The following MDGA1 variants were observed in gnomAD, a reference collection of about 807,000 sequenced individuals.
MDGA1 encodes the protein MAM domain containing glycosylphosphatidylinositol anchor 1, also known as MAM domain-containing glycosylphosphatidylinositol anchor protein 1.
MDGA1 carries 54 observed loss-of-function variants against 101.5 expected under a neutral mutation model. The ratio of observed to expected loss-of-function variants is 0.53; its 90% CI spans 0.43 to 0.67. The LOEUF (loss-of-function observed/expected upper bound fraction) is 0.67. Ranked by LOEUF, MDGA1 falls within the 30% of genes least tolerant of loss-of-function variation. MDGA1 has a pLI of 0.00. For missense variants in MDGA1, 1,083 were observed against 1,323.8 expected, an observed-to-expected ratio of 0.82 and a Z score of 2.82; for synonymous variants, 533 against 558.3, an observed-to-expected ratio of 0.95 and a Z score of 0.64.
intron 2 of MDGA1, among the ~76,000 whole-genome samples, chr6:37,659,768 G>A (rs959843398): frequency 1.3e-5 from 2 of 152,142 alleles, no homozygotes; most frequent in African/African-American, 4.8e-5. Flanking sequence ...GCCCGCATTT[G>A]ACTCTACCCT....
chr6:37,683,460 C>T (rs947402766), intron 1 of MDGA1, among the ~76,000 whole-genome samples: 1 of 152,238 alleles, frequency 6.6e-6, no homozygotes, highest in African/African-American at 2.4e-5. Context: ...CCTGCACCCC[C>T]TCTCCTAAAC....
Position 37,646,191 on chromosome 6 carries a change from C to A in MDGA1, c.2224+7G>T. 6.4e-7 allele frequency: 1 copy of A among 1,569,222 alleles called. No individual in the cohort carries two copies. The highest frequency in any genetic ancestry group is 1.8e-5 in the Admixed American group (1 of 56,364). ...CCATCCTTCCTACCGCCACCACTGT[C>A]ACCTACGCTCTGTGTAGTGGATGAT... On this transcript the variant is annotated splice_region_variant and intron_variant, in intron 11 of 16. Coordinates refer to ENST00000434837, the MANE Select transcript of MDGA1 (RefSeq NM_153487.4).
In MDGA1 at chr6:37,654,851, C is replaced by A. The variant is rs768884775; in HGVS notation, c.661G>T (p.Val221Leu). Residue 221 changes from valine (V) to leucine (L), a missense_variant, in exon 5 of 17, where the codon GTG (valine) becomes TTG (leucine). Physicochemically the swap from Val to Leu is conservative, Grantham distance 32. This residue lies in a region of MDGA1 where 310 missense variants were observed against 355.9 expected (regional missense o/e 0.87). Transcript: ENST00000434837. ...SYTCQVSVRN[V>L]CGIPDKAITF... ...ATGGCCTTGTCTGGGATGCCGCACA[C>A]GTTACGCACAGACACCTGGCAGGTG... The A allele has an allele frequency of 1.2e-6, 2 of 1,613,750 alleles. No homozygotes were observed. Among genetic ancestry groups the A allele is most frequent in the African/African-American group, 1.3e-5 (1 of 74,954 alleles).
chr6:37,683,743 C>G (rs1313168994), intron 1 of MDGA1, among the ~76,000 whole-genome samples: 2 of 152,240 alleles, frequency 1.3e-5, no homozygotes, highest in Admixed American at 1.3e-4. Context: ...ATGTAACTGA[C>G]TTGATAAGGC....
At chr6:37,687,400 T>TAAAAAA (rs549945070) in intron 1 of MDGA1, among the ~76,000 whole-genome samples, 3 of 128,922 alleles carry the variant, frequency 2.3e-5, no homozygotes, top group East Asian at 2.3e-4. Flanking sequence ...TACTAAAAAT[T>TAAAAAA]AAAAAAAAAA....
intron 1 of MDGA1, among the ~76,000 whole-genome samples, chr6:37,691,739 A>C: frequency 6.6e-6 from 1 of 152,266 alleles, no homozygotes; most frequent in East Asian, 1.9e-4. Flanking sequence ...TAAATACCAG[A>C]GAAGCCCCTT....
rs554658775 is a variant in MDGA1, at chr6:37,644,455, C to A, written c.2401+42G>T. ...GGGTGCCCTGGGCCTAGACACCCCC[C>A]TGAAGCAATCCTCCATTTCTGGCAG... On this transcript the variant is annotated intron_variant, in intron 13 of 16. Transcript: ENST00000434837. 12 of 1,500,376 alleles carry A rather than the reference C, an allele frequency of 8.0e-6. No individual in the cohort carries two copies. In the African/African-American group the frequency reaches 1.1e-4, roughly 14 times the overall value. 92.9% of individuals were successfully genotyped at this position (1,500,376 alleles called of 1,614,324 possible). A position where few individuals can be genotyped will look rare whatever the true frequency, so the allele number is the denominator to read the frequency against.
At position 37,650,162 on chromosome 6, in the gene MDGA1, T is replaced by C; in HGVS notation, c.1556A>G (p.Tyr519Cys). 2 of 1,611,692 alleles carry C rather than the reference T, an allele frequency of 1.2e-6. No homozygotes were observed. Among genetic ancestry groups the C allele is most frequent in the Non-Finnish European group, 1.7e-6 (2 of 1,178,234 alleles). The change falls in exon 8 of 17, where the codon TAT becomes TGT. Residue 519 changes from tyrosine to cysteine, a missense_variant. Transcript: ENST00000434837. ...ACGGGGGCGCACGTTGAAGCCATTATAGCGGGCCGTCTGGCAGCGGTAGGT... is the reference window on the plus strand; with the variant it reads ...ACGGGGGCGCACGTTGAAGCCATTACAGCGGGCCGTCTGGCAGCGGTAGGT... ...SGTYRCQTAR[Y>C]NGFNVRPREA...
At chr6:37,647,809 C>A (rs560079868) in intron 9 of MDGA1, among the ~76,000 whole-genome samples, 1 of 152,068 alleles carries the variant, frequency 6.6e-6, no homozygotes, top group East Asian at 1.9e-4. Context: ...ACAGGGGCCT[C>A]TGGCTGGCAG....
rs1424965433 is a variant in MDGA1, at chr6:37,696,764, G to A, written c.48C>T (p.Cys16=). ...TCTTACCGTAGACTCCTTGTCCCCG[G>A]CAGTGGAAGGGGATCAGCGCCAGAA... The part of the protein sequence containing the change: ...LLLLALIPFH[C]RGQGVYAPAQ... The change falls in exon 1 of 17, where the codon TGC becomes TGT. Residue 16 remains cysteine (C), a synonymous_variant. Transcript: ENST00000434837. This position sits in a 1 kb window ranked among gnomAD's most constrained non-coding sequence, Gnocchi z 5.6. 6.3e-7 allele frequency: 1 copy of A among 1,584,030 alleles called. No homozygotes were observed. The highest frequency in any genetic ancestry group is 1.8e-5 in the Admixed American group (1 of 56,252).
In MDGA1 at chr6:37,638,321, G is replaced by A. The variant is rs779539146; in HGVS notation, c.2668-8C>T. ...AACCCCCTCAAAAATAATCTGGGGT[G>A]GGGTCAGAAAGCAAGGAGCAAGGGT... On this transcript the variant is annotated splice_region_variant and splice_polypyrimidine_tract_variant and intron_variant, in intron 15 of 16. Coordinates refer to ENST00000434837, the MANE Select transcript of MDGA1 (RefSeq NM_153487.4). The surrounding 1 kb of genome is among the most constrained non-coding windows in gnomAD (Gnocchi z 4.8). 6.3e-7 allele frequency: 1 copy of A among 1,597,582 alleles called. No homozygotes were observed. The highest frequency in any genetic ancestry group is 1.1e-5 in the South Asian group (1 of 88,760).
In MDGA1 at chr6:37,696,754, C is replaced by T. The variant is rs752295215; in HGVS notation, c.58G>A (p.Gly20Arg). 1.3e-6 allele frequency: 2 copies of T among 1,582,782 alleles called. No individual in the cohort carries two copies. Among genetic ancestry groups the T allele is most frequent in the Non-Finnish European group, 1.7e-6 (2 of 1,163,744 alleles). The stretch of plus-strand genomic sequence containing the variant: ...GGACGCGGGCTCTTACCGTAGACTC[C>T]TTGTCCCCGGCAGTGGAAGGGGATC... ...ALIPFHCRGQ[G>R]VYAPAQAQIV... Residue 20 changes from glycine (G) to arginine (R), a missense_variant, in exon 1 of 17, where the codon GGA (glycine) becomes AGA (arginine). By Grantham distance (125) the Gly-to-Arg change is moderately radical (BLOSUM62 -2). Around this residue, in one of 3 missense-constraint regions of MDGA1, gnomAD observed 310 missense variants for 355.9 expected, o/e 0.87. Coordinates refer to ENST00000434837, the MANE Select transcript of MDGA1 (RefSeq NM_153487.4). The surrounding 1 kb of genome is among the most constrained non-coding windows in gnomAD (Gnocchi z 5.6).
chr6:37,685,865 C>T (rs9380699), intron 1 of MDGA1, among the ~76,000 whole-genome samples: 14,158 of 152,080 alleles, frequency 0.093, 1,017 homozygotes, highest in East Asian at 0.37. Flanking sequence ...CCCCACCCCA[C>T]CTGAGCTAGG....
At chr6:37,683,808 A>G (rs576458215) in intron 1 of MDGA1, among the ~76,000 whole-genome samples, 1 of 152,300 alleles carries the variant, frequency 6.6e-6, no homozygotes, top group Non-Finnish European at 1.5e-5. Flanking sequence ...CCTCTACCAG[A>G]GTTTCCTGGA....
chr6:37,646,090 G>A (rs759813874), intron 11 of MDGA1, 108 bp downstream of exon 11: 19 of 1,557,902 alleles, frequency 1.2e-5, no homozygotes, highest in Non-Finnish European at 1.6e-5. Context: ...CAGTGACAAG[G>A]TAGTACACGG....
At chr6:37,654,208 G>A in intron 6 of MDGA1, 66 bp downstream of exon 6, 2 of 1,466,606 alleles carry the variant, frequency 1.4e-6, no homozygotes, top group Non-Finnish European at 9.0e-7. Flanking sequence ...TTCATTGGTA[G>A]CTCCCAAAGA....
In MDGA1 at chr6:37,648,698, T is replaced by G. The variant is rs1761278300; in HGVS notation, c.1894+284A>C. 5 of 538,194 alleles carry G rather than the reference T, an allele frequency of 9.3e-6. No individual in the cohort carries two copies. In the Admixed American group the frequency reaches 1.8e-4, roughly 20 times the overall value. The allele number at this position is 538,194 out of a possible 1,614,324, so 33.3% of individuals were successfully genotyped here. Reference sequence around the variant, plus strand: ...GGACTGGTATAGGCATAGGCGGGCCTTGGAAGGCGAAGGCCTCAACCTCAA... The same window carrying G: ...GGACTGGTATAGGCATAGGCGGGCCGTGGAAGGCGAAGGCCTCAACCTCAA... On this transcript the variant is annotated intron_variant, in intron 9 of 16. Transcript: ENST00000434837.
chr6:37,652,082 A>T lies in MDGA1; in HGVS notation c.1241T>A (p.Leu414Gln). ...TGCCCCTGGGAAAGAAGCCATGCAC[A>T]GGTAGGTGCCATAGTCACTGAAGTG... is the stretch of plus-strand genomic sequence containing the variant. ...DLHFSDYGTY[L>Q]CMASFPGAPV... The change falls in exon 7 of 17, where the codon CTG becomes CAG. Residue 414 changes from leucine (L) to glutamine (Q), a missense_variant. Leu to Gln is a moderately radical substitution (Grantham distance 113). Transcript: ENST00000434837. The surrounding 1 kb of genome is among the most constrained non-coding windows in gnomAD (Gnocchi z 4.3). 6.2e-7 allele frequency: 1 copy of T among 1,613,432 alleles called. No individual in the cohort carries two copies. The highest frequency in any genetic ancestry group is 1.1e-5 in the South Asian group (1 of 91,078).
intron 5 of MDGA1, 71 bp downstream of exon 5, chr6:37,654,729 G>C (rs573806423): frequency 1.1e-5 from 18 of 1,594,438 alleles, no homozygotes; most frequent in Non-Finnish European, 1.5e-5. Context: ...GTCCCTGTGG[G>C]GTGGGGCACT....
Sources: allele counts gnomAD v4.1 joint callset (sites outside exome capture counted in the v4.1 genomes callset), GRCh38; gene constraint gnomAD v4.1.1; regional missense constraint gnomAD v4.1.1; non-coding constraint Gnocchi (gnomAD v3.1); transcripts MANE v1.5; gene names NCBI Gene and HGNC (gene_info 2026-07-23, HGNC 2026-07-21).